Variants in ELP3 observed in about 807,000 individuals in gnomAD.
ELP3 encodes elongator complex protein 3.
Under a neutral mutation model 74.9 loss-of-function variants are expected in ELP3, and 56 were observed. The observed-to-expected ratio is 0.75, with a 90% confidence interval of 0.60 to 0.93. The LOEUF (loss-of-function observed/expected upper bound fraction) is 0.93, where lower values mean the gene tolerates loss of function less well. Ranked by LOEUF, ELP3 falls within the 40% of genes least tolerant of loss-of-function variation. ELP3 has a pLI of 0.00. For missense variants in ELP3, 573 were observed against 686.5 expected (o/e 0.83, Z 1.85); for synonymous variants, 222 against 239.8 (o/e 0.93, Z 0.68).
rs1813464482 is a variant in ELP3 at position 28,147,104 on chromosome 8, A to G, written c.1101-8838A>G. Among the ~76,000 whole-genome samples, 1 of 152,218 alleles carries G rather than the reference A, an allele frequency of 6.6e-6. No individual in the cohort carries two copies. Among genetic ancestry groups the G allele is most frequent in the Non-Finnish European group, 1.5e-5 (1 of 68,034 alleles). Reference sequence around the variant, plus strand: ...GTTCTCATTTTGCACCGGGCCCCACAGATTCTGTAGCAGCCTCCTGGGTCT... The same window carrying G: ...GTTCTCATTTTGCACCGGGCCCCACGGATTCTGTAGCAGCCTCCTGGGTCT... On this transcript the variant is annotated intron_variant, in intron 10 of 14. Transcript: ENST00000256398. This position sits in a 1 kb window ranked among gnomAD's most constrained non-coding sequence, Gnocchi z 4.5.
At chr8:28,112,538 T>G (rs1397626612) in intron 6 of ELP3, 1 of 152,358 alleles carries the variant, frequency 6.6e-6, no homozygotes, top group African/African-American at 2.4e-5. Flanking sequence ...GTCTTGATTT[T>G]TCTTTCCAAT....
intron 7 of ELP3, among the ~76,000 whole-genome samples, chr8:28,113,400 A>T (rs1479724761): frequency 5.3e-5 from 2 of 37,446 alleles, no homozygotes; most frequent in African/African-American, 5.9e-4. Context: ...GAAAAAATGA[A>T]TACAGTTTGT....
chr8:28,129,200 AATAATG>A (rs1422172908), intron 7 of ELP3: 25 of 224,020 alleles, frequency 1.1e-4, no homozygotes, highest in Non-Finnish European at 2.0e-4. Flanking sequence ...GCAGGAGAAT[AATAATG>A]ATAATGATGA....
intron 10 of ELP3, 144 bp from the exon 11 acceptor site, chr8:28,155,798 G>T: frequency 1.7e-6 from 1 of 585,062 alleles, no homozygotes; most frequent in Non-Finnish European, 3.0e-6. Flanking sequence ...TTGTTAGGAG[G>T]CTTTGCCTCT....
chr8:28,158,543 C>T (rs371536612), intron 11 of ELP3, 25 bp from the exon 12 acceptor site: 43 of 1,595,474 alleles, frequency 2.7e-5, no homozygotes, highest in Admixed American at 2.0e-4. Flanking sequence ...CCCCCAACCC[C>T]GCTCACGCCA....
intron 8 of ELP3, 94 bp from the exon 9 acceptor site, chr8:28,132,184 G>A: frequency 7.4e-7 from 1 of 1,360,054 alleles, no homozygotes; most frequent in Non-Finnish European, 1.0e-6. Flanking sequence ...TTTTCCCCTT[G>A]TTCCTTGTGT....
In ELP3 at chr8:28,188,921, C is replaced by A. The variant is rs1041403407; in HGVS notation, c.1568-728C>A. 2.0e-5 allele frequency among the ~76,000 whole-genome samples: 3 copies of A among 152,146 alleles called. No individual in the cohort carries two copies. In the South Asian group the frequency reaches 6.2e-4, roughly 32 times the overall value. Reference sequence around the variant, plus strand: ...CTGGACTGAGCTCAGAACTGGGGGGCCTTGCGCTCATCAGAGTAGGTAGGG... The same window carrying A: ...CTGGACTGAGCTCAGAACTGGGGGGACTTGCGCTCATCAGAGTAGGTAGGG... On this transcript the variant is annotated intron_variant, in intron 14 of 14. Transcript: ENST00000256398.
At chr8:28,138,016 T>TG in intron 10 of ELP3, 125 bp downstream of exon 10, 1 of 884,610 alleles carries the variant, frequency 1.1e-6, no homozygotes, top group Non-Finnish European at 1.6e-6. Flanking sequence ...ATAACTGGAA[T>TG]GCTATCTGTA....
intron 7 of ELP3, among the ~76,000 whole-genome samples, chr8:28,122,386 A>G (rs1489406128): frequency 6.6e-6 from 1 of 152,236 alleles, no homozygotes; most frequent in African/African-American, 2.4e-5. Flanking sequence ...GATTTCTTCC[A>G]TAAACGTTTG....
At chr8:28,172,599 A>G (rs1259165484) in intron 14 of ELP3, among the ~76,000 whole-genome samples, 1 of 151,996 alleles carries the variant, frequency 6.6e-6, no homozygotes, top group East Asian at 1.9e-4. Flanking sequence ...TTGAATAGAG[A>G]TAGTTTTACT....
At chr8:28,112,247 G>A (rs1037905285) in intron 6 of ELP3, among the ~76,000 whole-genome samples, 4 of 151,912 alleles carry the variant, frequency 2.6e-5, no homozygotes, top group Admixed American at 6.6e-5. Flanking sequence ...TGGTTCAAGC[G>A]ATTCTCTTGC....
intron 3 of ELP3, 43 bp downstream of exon 3, chr8:28,100,009 G>A (rs766056186): frequency 6.2e-7 from 1 of 1,613,102 alleles, no homozygotes; most frequent in African/African-American, 1.3e-5. Context: ...CTGGGTATCT[G>A]TTCTGGCAGA....
chr8:28,108,460 T>TC (rs1233553822), intron 5 of ELP3, among the ~76,000 whole-genome samples: 46 of 145,154 alleles, frequency 3.2e-4, no homozygotes, highest in African/African-American at 1.1e-3. Context: ...TTTTTTTCTT[T>TC]TTTTTTTTTT....
chr8:28,172,094 T>C (rs1814552063), intron 14 of ELP3, among the ~76,000 whole-genome samples: 1 of 152,126 alleles, frequency 6.6e-6, no homozygotes, highest in South Asian at 2.1e-4. Context: ...AGTCTCCAAC[T>C]TTGTGCTTCT....
intron 3 of ELP3, 64 bp from the exon 4 acceptor site, chr8:28,106,649 G>A: frequency 2.9e-6 from 4 of 1,380,330 alleles, no homozygotes; most frequent in East Asian, 2.3e-5. Context: ...CGAGGGATAA[G>A]CACTCTGTGG....
chr8:28,161,325 G>A (rs764559315), intron 13 of ELP3, among the ~76,000 whole-genome samples: 23 of 152,254 alleles, frequency 1.5e-4, no homozygotes, highest in Middle Eastern at 3.4e-3. Context: ...TGTAATTCCA[G>A]CCCTTTGGGA....
chr8:28,168,674 TACTC>T (rs1231262315), intron 14 of ELP3, among the ~76,000 whole-genome samples: 1 of 152,244 alleles, frequency 6.6e-6, no homozygotes, highest in Non-Finnish European at 1.5e-5. Context: ...CAACCTATGC[TACTC>T]ACTACCAGCT....
At position 28,132,339 on chromosome 8, in the gene ELP3, G is replaced by A. The variant is rs759464706; in HGVS notation, c.841G>A (p.Val281Met). 9 of 1,614,058 alleles carry A rather than the reference G, an allele frequency of 5.6e-6. No individual in the cohort carries two copies. Among genetic ancestry groups the A allele is most frequent in the East Asian group, 2.2e-5 (1 of 44,894 alleles). The change falls in exon 9 of 15, where the codon GTG (valine) becomes ATG (methionine). Residue 281 changes from valine to methionine, a missense_variant. By Grantham distance (21) the Val-to-Met change is conservative. Transcript: ENST00000256398. Reference sequence around the variant, plus strand: ...CCTGGCCAAAGATTCCGGTTTTAAAGTGGTGGCCCATATGATGCCTGACCT... The same window carrying A: ...CCTGGCCAAAGATTCCGGTTTTAAAATGGTGGCCCATATGATGCCTGACCT... ...FHLAKDSGFK[V>M]VAHMMPDLPN...
At chr8:28,141,998 T>C (rs1311606270) in intron 10 of ELP3, among the ~76,000 whole-genome samples, 1 of 152,250 alleles carries the variant, frequency 6.6e-6, no homozygotes, top group African/African-American at 2.4e-5. Context: ...TAAATTTCTT[T>C]CTGCTGTAAC....
Sources: gnomAD v4.1 joint callset for allele counts (sites outside exome capture counted in the v4.1 genomes callset) on GRCh38, gnomAD v4.1.1 for gene constraint, Gnocchi (gnomAD v3.1) non-coding constraint, MANE v1.5 for transcripts, NCBI Gene and HGNC (gene_info 2026-07-23, HGNC 2026-07-21) for gene names.